GNPNAT1: variants seen among roughly 807,000 people sequenced by gnomAD.
GNPNAT1 encodes the protein glucosamine 6-phosphate N-acetyltransferase.
A neutral mutation model predicts 19.8 loss-of-function variants in GNPNAT1; 11 were observed. That is an observed-to-expected ratio of 0.56 (90% CI 0.35 to 0.92). GNPNAT1 has a LOEUF of 0.92. Ranked by LOEUF, GNPNAT1 falls within the 40% of genes least tolerant of loss-of-function variation. The pLI, the probability that GNPNAT1 is intolerant of heterozygous loss-of-function variation, is 0.01. For synonymous variants in GNPNAT1, 71 were observed against 72.3 expected (o/e 0.98, Z 0.09); for missense variants, 157 against 211.0 (o/e 0.74, Z 1.59).
intron 1 of GNPNAT1, among the ~76,000 whole-genome samples, chr14:52,790,247 T>C (rs2139977524): frequency 6.6e-6 from 1 of 152,310 alleles, no homozygotes; most frequent in Non-Finnish European, 1.5e-5. Flanking sequence ...AAAGTCGATC[T>C]ACAAATTTTA....
At chr14:52,787,086 C>G (rs979335636) in intron 1 of GNPNAT1, among the ~76,000 whole-genome samples, 7 of 151,602 alleles carry the variant, frequency 4.6e-5, no homozygotes, top group Non-Finnish European at 8.8e-5. Flanking sequence ...ATCATGTTGG[C>G]CCTCAATAAA....
At chr14:52,786,601 C>A (rs1264271197) in intron 1 of GNPNAT1, among the ~76,000 whole-genome samples, 1 of 152,110 alleles carries the variant, frequency 6.6e-6, no homozygotes, top group Non-Finnish European at 1.5e-5. Context: ...GAAAAGTGAT[C>A]ATGATATTTC....
At chr14:52,780,312 T>A (rs1453731493) in intron 5 of GNPNAT1, among the ~76,000 whole-genome samples, 1 of 152,230 alleles carries the variant, frequency 6.6e-6, no homozygotes, top group Non-Finnish European at 1.5e-5. Flanking sequence ...CTACAACTTA[T>A]GAGAATGAGA....
intron 1 of GNPNAT1, among the ~76,000 whole-genome samples, chr14:52,787,551 G>A (rs1374429302): frequency 6.6e-6 from 1 of 152,114 alleles, no homozygotes; most frequent in Non-Finnish European, 1.5e-5. Context: ...AAAATTAGCG[G>A]AGCCAGGATT....
rs998531661 is a variant in GNPNAT1, at chr14:52,776,145, C to G, written c.*2166G>C. 9 of 152,442 alleles carry G rather than the reference C, an allele frequency of 5.9e-5. No homozygotes were observed. The highest frequency in any genetic ancestry group is 2.2e-4 in the African/African-American group (9 of 41,388). 9.4% of individuals were successfully genotyped at this position (152,442 alleles called of 1,614,324 possible). ...GGTGATTGTGCCCCTGCGCTCTAGC[C>G]TGGGCAACAGCGAGACCTTGTCTCA... is the stretch of plus-strand genomic sequence containing the variant. On this transcript the variant is annotated 3_prime_UTR_variant, in exon 6 of 6. Transcript: ENST00000216410.
At chr14:52,787,332 A>G (rs922449002) in intron 1 of GNPNAT1, among the ~76,000 whole-genome samples, 2 of 152,144 alleles carry the variant, frequency 1.3e-5, no homozygotes, top group Non-Finnish European at 2.9e-5. Flanking sequence ...CTATGTAACT[A>G]TATAAGCAAT....
chr14:52,788,222 G>A (rs1445229667), intron 1 of GNPNAT1, among the ~76,000 whole-genome samples: 1 of 152,062 alleles, frequency 6.6e-6, no homozygotes, highest in Non-Finnish European at 1.5e-5. Context: ...CTGGGCTCAA[G>A]TGATCCTCCT....
At position 52,791,117 on chromosome 14, in the gene GNPNAT1, G is replaced by A. The variant is rs1259751952; in HGVS notation, c.-15+311C>T. On this transcript the variant is annotated intron_variant, in intron 1 of 5. Coordinates refer to ENST00000216410, the MANE Select transcript of GNPNAT1 (RefSeq NM_198066.4). The surrounding 1 kb of genome is among the most constrained non-coding windows in gnomAD (Gnocchi z 4.1). ...CAACTGTCTCATTTCCCACGCCAAA[G>A]TCTGGGGAGCGAAGTTCCGACCCCA... is the stretch of plus-strand genomic sequence containing the variant. Among the ~76,000 whole-genome samples, 1 of 152,166 alleles carries A rather than the reference G, an allele frequency of 6.6e-6. No homozygotes were observed. Among genetic ancestry groups the A allele is most frequent in the Non-Finnish European group, 1.5e-5 (1 of 68,022 alleles).
At chr14:52,783,584 T>G (rs1882943444) in intron 2 of GNPNAT1, 99 bp from the exon 3 acceptor site, 1 of 716,878 alleles carries the variant, frequency 1.4e-6, no homozygotes, top group South Asian at 1.7e-5. Flanking sequence ...AGGCAATTAT[T>G]TTTTCAGAAC....
chr14:52,781,596 T>G (rs966555674), intron 4 of GNPNAT1, 188 bp downstream of exon 4: 6 of 494,260 alleles, frequency 1.2e-5, no homozygotes, highest in African/African-American at 2.1e-5. Context: ...TGATCCACCT[T>G]ACAGAACAAT....
intron 1 of GNPNAT1, among the ~76,000 whole-genome samples, chr14:52,785,359 T>A (rs1882989829): frequency 1.3e-5 from 2 of 152,154 alleles, no homozygotes; most frequent in African/African-American, 2.4e-5. Flanking sequence ...AGGCATCTGT[T>A]TCAACAGGAA....
At chr14:52,787,883 A>T (rs547963331) in intron 1 of GNPNAT1, 1 of 152,064 alleles carries the variant, frequency 6.6e-6, no homozygotes, top group African/African-American at 2.4e-5. Context: ...TACAAAAAGA[A>T]TGACAGGCTC....
intron 4 of GNPNAT1, among the ~76,000 whole-genome samples, chr14:52,781,520 A>C (rs1322247922): frequency 2.6e-5 from 4 of 152,118 alleles, no homozygotes; most frequent in Non-Finnish European, 1.5e-5. Context: ...TTTTTTTAAA[A>C]GAGTAACATT....
chr14:52,786,857 ATTT>A (rs567085170), intron 1 of GNPNAT1, among the ~76,000 whole-genome samples: 74 of 98,654 alleles, frequency 7.5e-4, no homozygotes, highest in South Asian at 2.0e-3. Context: ...CAGGTTTTGG[ATTT>A]TTTTTTTTTT....
chr14:52,785,904 C>T (rs1008825849), intron 1 of GNPNAT1, among the ~76,000 whole-genome samples: 1 of 150,776 alleles, frequency 6.6e-6, no homozygotes, highest in South Asian at 2.1e-4. Flanking sequence ...CCTGCCACCA[C>T]GCCCAGCTAG....
chr14:52,788,459 T>G (rs1479370803), intron 1 of GNPNAT1, among the ~76,000 whole-genome samples: 2 of 152,234 alleles, frequency 1.3e-5, no homozygotes, highest in African/African-American at 4.8e-5. Context: ...TAGATGAAAT[T>G]GAGTCCACGT....
At chr14:52,779,291 A>C (rs765180294) in intron 5 of GNPNAT1, among the ~76,000 whole-genome samples, 4 of 152,168 alleles carry the variant, frequency 2.6e-5, no homozygotes, top group Non-Finnish European at 5.9e-5. Flanking sequence ...ATCTATACAA[A>C]ATTTCTTAAT....
rs1460325812 is a variant in GNPNAT1 at position 52,784,611 on chromosome 14, G to A, written c.40C>T (p.Leu14Phe). Residue 14 changes from leucine (L) to phenylalanine (F), a missense_variant, in exon 2 of 6, where the codon CTC (leucine) becomes TTC (phenylalanine). By Grantham distance (22) the Leu-to-Phe change is conservative (BLOSUM62 0). Coordinates refer to ENST00000216410, the MANE Select transcript of GNPNAT1 (RefSeq NM_198066.4). ...TTCTGACTCCAGTCCACTTCTTTGA[G>A]TAGACTTGGGTCAAACATAGGAGTT... ...DETPMFDPSL[L>F]KEVDWSQNTA... is the part of the protein sequence containing the mutation. 6.3e-7 allele frequency: 1 copy of A among 1,594,656 alleles called. No homozygotes were observed.
At position 52,784,956 on chromosome 14, in the gene GNPNAT1, C is replaced by T. The variant is rs147162337; in HGVS notation, c.-14-292G>A. On this transcript the variant is annotated intron_variant, in intron 1 of 5. Coordinates refer to ENST00000216410, the MANE Select transcript of GNPNAT1 (RefSeq NM_198066.4). ...TTTTTTTTTTTTTTTCAGACAGTCT[C>T]ACTCTGTTGCCCAGGCTGGAGTGCA... Among the ~76,000 whole-genome samples the T allele has an allele frequency of 7.0e-3, 964 of 138,406 alleles. 6 individuals are homozygous for T. The highest frequency in any genetic ancestry group is 0.025 in the African/African-American group (928 of 37,828). 90.8% of individuals were successfully genotyped at this position (138,406 alleles called of 152,430 possible).
Sources: gnomAD v4.1 joint callset for allele counts (sites outside exome capture counted in the v4.1 genomes callset) on GRCh38, gnomAD v4.1.1 for gene constraint, Gnocchi (gnomAD v3.1) non-coding constraint, MANE v1.5 for transcripts, NCBI Gene and HGNC (gene_info 2026-07-23, HGNC 2026-07-21) for gene names.